Variants in SEL1L observed in about 807,000 individuals in gnomAD.
SEL1L encodes protein sel-1 homolog 1.
SEL1L carries 52 observed loss-of-function variants against 109.8 expected under a neutral mutation model. That is an observed-to-expected ratio of 0.47 (90% confidence interval 0.38 to 0.60). The LOEUF (loss-of-function observed/expected upper bound fraction) is 0.60, where lower values mean the gene tolerates loss of function less well. SEL1L is among the 20% of genes least tolerant of loss of function. The probability of loss-of-function intolerance (pLI) is 0.00; values close to 1 mark genes in which losing one functional copy is unlikely to be tolerated. For missense variants in SEL1L, 749 were observed against 962.2 expected, an observed-to-expected ratio of 0.78 and a Z score of 2.93; for synonymous variants, 373 against 339.6, an observed-to-expected ratio of 1.10 and a Z score of -1.08.
At chr14:81,478,338 C>T (rs1440781572) in intron 20 of SEL1L, among the ~76,000 whole-genome samples, 5 of 152,088 alleles carry the variant, frequency 3.3e-5, no homozygotes, top group Admixed American at 2.6e-4. Flanking sequence ...ACTTATTAGT[C>T]TTATACTCTC....
Position 81,492,551 on chromosome 14 carries a change from A to G in SEL1L, c.1186-3T>C. 1 of 1,583,520 alleles carries G rather than the reference A, an allele frequency of 6.3e-7. No individual in the cohort carries two copies. Among genetic ancestry groups the G allele is most frequent in the African/African-American group, 1.3e-5 (1 of 74,200 alleles). On this transcript the variant is annotated splice_region_variant and splice_polypyrimidine_tract_variant and intron_variant, in intron 11 of 20. Transcript: ENST00000336735. ...AAATTGAAGTAGTCAAATGCTCTCTATGAGAAAAGAATTTATTAAAATAAT... is the reference window on the plus strand; with the variant it reads ...AAATTGAAGTAGTCAAATGCTCTCTGTGAGAAAAGAATTTATTAAAATAAT...
rs1450185479 is a variant in SEL1L, at chr14:81,484,457, A to C, written c.1874-60T>G. 6 of 1,464,830 alleles carry C rather than the reference A, an allele frequency of 4.1e-6. 1 individual carries two copies. In the East Asian group the frequency reaches 1.4e-4, roughly 34 times the overall value. The allele number at this position is 1,464,830 out of a possible 1,614,324, so 90.7% of individuals were successfully genotyped here. ...ATAAAGTATGTTTAAAACAGATCAA[A>C]CTTTTTTCTCCTCCCATTGACATGC... On this transcript the variant is annotated intron_variant, in intron 18 of 20. Transcript: ENST00000336735.
rs1189509016 is a variant in SEL1L, at chr14:81,526,816, C to T, written c.257G>A (p.Ser86Asn). Reference protein sequence around the residue: ...EDSLKSQEGESVTEDISFLES... With the variant: ...EDSLKSQEGENVTEDISFLES... The stretch of plus-strand genomic sequence containing the variant: ...TAGAAAGCTGATATCTTCTGTGACA[C>T]TTTCCCCCTCTTGGCTCTTGAGGCT... Residue 86 changes from serine (S) to asparagine (N), a missense_variant, in exon 3 of 21, where the codon AGT becomes AAT. Ser to Asn is a conservative substitution (Grantham distance 46). Coordinates refer to ENST00000336735, the MANE Select transcript of SEL1L (RefSeq NM_005065.6). 6.2e-7 allele frequency: 1 copy of T among 1,606,856 alleles called. No individual in the cohort carries two copies. The highest frequency in any genetic ancestry group is 8.5e-7 in the Non-Finnish European group (1 of 1,177,796).
intron 10 of SEL1L, among the ~76,000 whole-genome samples, chr14:81,497,491 C>T (rs186966897): frequency 1.1e-3 from 173 of 152,332 alleles, no homozygotes; most frequent in Non-Finnish European, 1.4e-3. Flanking sequence ...GTAAATAGCT[C>T]TGAAGAGCAT....
intron 12 of SEL1L, among the ~76,000 whole-genome samples, chr14:81,491,254 C>T (rs1336674880): frequency 6.6e-6 from 1 of 152,062 alleles, no homozygotes; most frequent in Non-Finnish European, 1.5e-5. Flanking sequence ...AACGAAGTAA[C>T]TAAAAGGTTT....
chr14:81,528,082 T>C (rs1885181153), intron 1 of SEL1L, among the ~76,000 whole-genome samples: 1 of 152,190 alleles, frequency 6.6e-6, no homozygotes, highest in Non-Finnish European at 1.5e-5. Context: ...GAGAATGAGT[T>C]ACTAAGTTCA....
At chr14:81,508,938 T>C (rs753774913) in intron 3 of SEL1L, among the ~76,000 whole-genome samples, 1 of 152,108 alleles carries the variant, frequency 6.6e-6, no homozygotes, top group African/African-American at 2.4e-5. Flanking sequence ...GTAAAAAAAA[T>C]TTGACAACAA....
intron 5 of SEL1L, among the ~76,000 whole-genome samples, chr14:81,503,510 TA>T (rs948214763): frequency 6.6e-6 from 1 of 151,434 alleles, no homozygotes; most frequent in African/African-American, 2.4e-5. Context: ...GGCTAATTTT[TA>T]AATTTTTTTT....
At chr14:81,514,674 G>C (rs926900709) in intron 3 of SEL1L, among the ~76,000 whole-genome samples, 2 of 152,118 alleles carry the variant, frequency 1.3e-5, no homozygotes, top group Non-Finnish European at 1.5e-5. Flanking sequence ...GACCCTTGTG[G>C]GTTCTTGGGC....
intron 3 of SEL1L, among the ~76,000 whole-genome samples, chr14:81,510,514 C>CTATATATATATATATATATATATA (rs1555346599): frequency 9.6e-6 from 1 of 104,084 alleles, no homozygotes; most frequent in East Asian, 3.1e-4. Context: ...CTCTCTCTCT[C>CTATATATATATATATATATATATA]TATATATATA....
chr14:81,479,967 T>C (rs893748860), intron 19 of SEL1L, among the ~76,000 whole-genome samples: 3 of 152,182 alleles, frequency 2.0e-5, no homozygotes, highest in Non-Finnish European at 4.4e-5. Flanking sequence ...CAACATAACA[T>C]CTAATTTGCT....
intron 1 of SEL1L, among the ~76,000 whole-genome samples, chr14:81,529,510 G>C (rs532802768): frequency 6.6e-6 from 1 of 152,248 alleles, no homozygotes; most frequent in South Asian, 2.1e-4. Flanking sequence ...GAATCATATG[G>C]ACACATCTGT....
chr14:81,516,140 C>G (rs1396134971), intron 3 of SEL1L, among the ~76,000 whole-genome samples: 2 of 152,220 alleles, frequency 1.3e-5, no homozygotes, highest in African/African-American at 2.4e-5. Flanking sequence ...GGACCAGAAG[C>G]CCCCAACCAG....
At position 81,482,445 on chromosome 14, in the gene SEL1L, A is replaced by T. The variant is rs549955815; in HGVS notation, c.2046+1780T>A. Reference sequence around the variant, plus strand: ...TGCAATCCCAGCACTTTTGGAGGCCAAGGCGCTTAAGTCCCCAGGGGTTTG... The same window carrying T: ...TGCAATCCCAGCACTTTTGGAGGCCTAGGCGCTTAAGTCCCCAGGGGTTTG... On this transcript the variant is annotated intron_variant, in intron 19 of 20. Coordinates refer to ENST00000336735, the MANE Select transcript of SEL1L (RefSeq NM_005065.6). Among the ~76,000 whole-genome samples the T allele has an allele frequency of 1.1e-4, 16 of 152,306 alleles. No homozygotes were observed. The South Asian group carries it at 2.5e-3, about 24-fold the overall frequency.
At chr14:81,527,468 C>T (rs1453914007) in intron 2 of SEL1L, among the ~76,000 whole-genome samples, 8 of 141,276 alleles carry the variant, frequency 5.7e-5, no homozygotes, top group Admixed American at 3.6e-4. Flanking sequence ...CACACACACA[C>T]ACACAGAGCA....
intron 1 of SEL1L, among the ~76,000 whole-genome samples, chr14:81,528,389 C>G (rs1055314436): frequency 3.3e-5 from 5 of 152,132 alleles, no homozygotes; most frequent in Admixed American, 3.3e-4. Context: ...TTACATTAAA[C>G]AATGAAAAAC....
chr14:81,529,118 T>A (rs1435521346), intron 1 of SEL1L, among the ~76,000 whole-genome samples: 3 of 152,154 alleles, frequency 2.0e-5, no homozygotes, highest in African/African-American at 7.2e-5. Context: ...GAGAAGGGTA[T>A]GCCACATATT....
intron 10 of SEL1L, among the ~76,000 whole-genome samples, chr14:81,495,573 G>C (rs1883713182): frequency 1.3e-5 from 2 of 152,146 alleles, no homozygotes; most frequent in Admixed American, 1.3e-4. Context: ...GAGAGGTCGA[G>C]GCTGCAGTGA....
intron 3 of SEL1L, among the ~76,000 whole-genome samples, chr14:81,515,607 A>G (rs1039763564): frequency 6.6e-6 from 1 of 152,210 alleles, no homozygotes; most frequent in African/African-American, 2.4e-5. Context: ...GAAAATTAGG[A>G]AAAAGCCCAT....
Sources: gnomAD v4.1 joint callset for allele counts (sites outside exome capture counted in the v4.1 genomes callset) on GRCh38, gnomAD v4.1.1 for gene constraint, MANE v1.5 for transcripts, NCBI Gene and HGNC (gene_info 2026-07-23, HGNC 2026-07-21) for gene names.